DUSP8: variants seen among roughly 807,000 people sequenced by gnomAD.
The protein encoded by DUSP8 is dual specificity protein phosphatase 8.
DUSP8 carries 15 observed loss-of-function variants against 38.7 expected under a neutral mutation model. The ratio of observed to expected loss-of-function variants is 0.39; its 90% CI spans 0.26 to 0.60. The LOEUF (loss-of-function observed/expected upper bound fraction) is 0.60. Ranked by LOEUF, DUSP8 falls within the 20% of genes least tolerant of loss-of-function variation. The pLI is 0.56. For synonymous variants in DUSP8, 458 were observed against 433.9 expected (o/e 1.06, Z -0.69); for missense variants, 768 against 915.0 (o/e 0.84, Z 2.07).
chr11:1,554,345 A>G lies in DUSP8; in HGVS notation c.*2173T>C, dbSNP rs1848587087. The G allele has an allele frequency of 6.6e-6, 1 of 152,194 alleles. No individual in the cohort carries two copies. The highest frequency in any genetic ancestry group is 6.5e-5 in the Admixed American group (1 of 15,298). 9.4% of individuals were successfully genotyped at this position (152,194 alleles called of 1,614,324 possible). ...AGAGGACTCAGGGCTGGGTCAGGTG[A>G]AAGCCACCAGGTGGGGCCCTGGCCC... On this transcript the variant is annotated 3_prime_UTR_variant, in exon 7 of 7. Transcript: ENST00000397374.
chr11:1,559,078 T>G (rs1311700576), intron 3 of DUSP8, 23 bp from the exon 4 acceptor site: 1 of 1,604,536 alleles, frequency 6.2e-7, no homozygotes, highest in South Asian at 1.1e-5. Context: ...GGCCGTCAAG[T>G]GGGTTGAGAG....
chr11:1,558,796 T>G lies in DUSP8; in HGVS notation c.537+93A>C. The G allele has an allele frequency of 3.4e-6, 5 of 1,449,644 alleles. No homozygotes were observed. Among genetic ancestry groups the G allele is most frequent in the Non-Finnish European group, 4.7e-6 (5 of 1,071,410 alleles). 89.8% of individuals were successfully genotyped at this position (1,449,644 alleles called of 1,614,324 possible). On this transcript the variant is annotated intron_variant, in intron 4 of 6. Coordinates refer to ENST00000397374, the MANE Select transcript of DUSP8 (RefSeq NM_004420.3). The surrounding 1 kb of genome is among the most constrained non-coding windows in gnomAD (Gnocchi z 6.3). The stretch of plus-strand genomic sequence containing the variant: ...AGCTCATCCACTGCCTTCAGCTCCT[T>G]TCCTCCCTCATCCCCCGCTCCGCTG...
chr11:1,568,195 T>G (rs1848834125), intron 1 of DUSP8, among the ~76,000 whole-genome samples: 1 of 152,134 alleles, frequency 6.6e-6, no homozygotes. Context: ...TACCCCCCAG[T>G]GCAGGGAGGA....
chr11:1,567,538 A>ACT (rs914069033), intron 1 of DUSP8, among the ~76,000 whole-genome samples: 26 of 151,856 alleles, frequency 1.7e-4, no homozygotes, highest in African/African-American at 5.3e-4. Context: ...CCTCGCACTC[A>ACT]CTCTCCTTCT....
intron 1 of DUSP8, among the ~76,000 whole-genome samples, chr11:1,570,849 G>A (rs748886761): frequency 6.6e-6 from 1 of 152,160 alleles, no homozygotes; most frequent in Non-Finnish European, 1.5e-5. Flanking sequence ...GGCTGTGCCA[G>A]AAGGGAGGCA....
rs544697735 is a variant in DUSP8, at chr11:1,558,510, C to A, written c.538-239G>T. On this transcript the variant is annotated intron_variant, in intron 4 of 6. Transcript: ENST00000397374. This position sits in a 1 kb window ranked among gnomAD's most constrained non-coding sequence, Gnocchi z 6.3. ...GGCCTCCGACTGCAGGCCCCACCCA[C>A]GGCTGGTGGTGGGCTCCTAGGAATT... 6.6e-6 allele frequency among the ~76,000 whole-genome samples: 1 copy of A among 152,124 alleles called. No individual in the cohort carries two copies. The highest frequency in any genetic ancestry group is 1.5e-5 in the Non-Finnish European group (1 of 67,994).
chr11:1,556,627 A>G lies in DUSP8; in HGVS notation c.1769T>C (p.Met590Thr). 7.0e-7 allele frequency: 1 copy of G among 1,430,488 alleles called. No homozygotes were observed. The allele number at this position is 1,430,488 out of a possible 1,614,324, so 88.6% of individuals were successfully genotyped here. A position where few individuals can be genotyped will look rare whatever the true frequency, so the allele number is the denominator to read the frequency against. ...ETQFKRRSCQ[M>T]EFEEGMVEGR... Reference sequence around the variant, plus strand: ...CTCCACCATGCCCTCCTCGAACTCCATCTGGCAGCTGCGGCGCTTGAACTG... The same window carrying G: ...CTCCACCATGCCCTCCTCGAACTCCGTCTGGCAGCTGCGGCGCTTGAACTG... Residue 590 changes from methionine (M) to threonine (T), a missense_variant, in exon 7 of 7, where the codon ATG becomes ACG. Physicochemically the swap from Met to Thr is moderately conservative, Grantham distance 81 (BLOSUM62 -1). Coordinates refer to ENST00000397374, the MANE Select transcript of DUSP8 (RefSeq NM_004420.3). This position sits in a 1 kb window ranked among gnomAD's most constrained non-coding sequence, Gnocchi z 5.2.
chr11:1,557,417 C>A lies in DUSP8; in HGVS notation c.979G>T (p.Ala327Ser), dbSNP rs761883251. The A allele has an allele frequency of 3.2e-6, 5 of 1,563,908 alleles. No individual in the cohort carries two copies. The highest frequency in any genetic ancestry group is 4.3e-6 in the Non-Finnish European group (5 of 1,167,372). The change falls in exon 7 of 7, where the codon GCC becomes TCC. Residue 327 changes from alanine (A) to serine (S), a missense_variant. This residue lies in a region of DUSP8 where 474 missense variants were observed against 430.8 expected (regional missense o/e 1.10). Coordinates refer to ENST00000397374, the MANE Select transcript of DUSP8 (RefSeq NM_004420.3). The surrounding 1 kb of genome is among the most constrained non-coding windows in gnomAD (Gnocchi z 9.9). The part of the protein sequence containing the change: ...PEPPPSPAAG[A>S]PLPRLPPPTS... ...GGTGGTGGCAGCCGTGGCAGCGGGG[C>A]CCCGGCGGCAGGACTGGGCGGAGGC...
At chr11:1,572,431 G>GA (rs1741827389), upstream of DUSP8, among the ~76,000 whole-genome samples, 1 of 149,438 alleles carries the variant, frequency 6.7e-6, no homozygotes, top group Non-Finnish European at 1.5e-5. The surrounding 1 kb of genome is among the most constrained non-coding windows in gnomAD (Gnocchi z 4.7). Flanking sequence ...GGCTGCCGCG[G>GA]GGGGGGGGCG....
Position 1,556,934 on chromosome 11 carries a change from G to T in DUSP8, c.1462C>A (p.Leu488Ile). 1 of 1,078,038 alleles carries T rather than the reference G, an allele frequency of 9.3e-7. No homozygotes were observed. The highest frequency in any genetic ancestry group is 1.1e-6 in the Non-Finnish European group (1 of 891,080). The allele number at this position is 1,078,038 out of a possible 1,614,324, so 66.8% of individuals were successfully genotyped here. The change falls in exon 7 of 7, where the codon CTC becomes ATC. Residue 488 changes from leucine to isoleucine, a missense_variant. By Grantham distance (5) the Leu-to-Ile change is conservative. Coordinates refer to ENST00000397374, the MANE Select transcript of DUSP8 (RefSeq NM_004420.3). This position sits in a 1 kb window ranked among gnomAD's most constrained non-coding sequence, Gnocchi z 5.2. ...AGCCCGGGCGCCGACAGGGCCGAGA[G>T]GCCGTGCCGCGGAGTCTGCCGGGCC... ...DAARQTPRHGLSALSAPGLPG... is the reference protein window; with the variant it reads ...DAARQTPRHGISALSAPGLPG...
chr11:1,571,774 C>T (rs963707876), intron 1 of DUSP8, 127 bp downstream of exon 1: 1 of 150,544 alleles, frequency 6.6e-6, no homozygotes, highest in Non-Finnish European at 1.5e-5. Context: ...GGGCCGCCTC[C>T]TCCTCCCGGG....
Position 1,554,842 on chromosome 11 carries a change from T to C in DUSP8, c.*1676A>G, listed in dbSNP as rs1848597463. The C allele has an allele frequency of 2.8e-6, 2 of 702,788 alleles. No homozygotes were observed. The highest frequency in any genetic ancestry group is 1.3e-4 in the South Asian group (2 of 15,630). The allele number at this position is 702,788 out of a possible 1,614,324, so 43.5% of individuals were successfully genotyped here. ...AATAAATACTTAAACCTCTAATCCATAGATTGCAAATACAACGATAGCTTA... is the reference window on the plus strand; with the variant it reads ...AATAAATACTTAAACCTCTAATCCACAGATTGCAAATACAACGATAGCTTA... On this transcript the variant is annotated 3_prime_UTR_variant, in exon 7 of 7. Coordinates refer to ENST00000397374, the MANE Select transcript of DUSP8 (RefSeq NM_004420.3).
chr11:1,554,356 G>A lies in DUSP8; in HGVS notation c.*2162C>T, dbSNP rs1471783228. 6.6e-6 allele frequency: 1 copy of A among 152,278 alleles called. No individual in the cohort carries two copies. Among genetic ancestry groups the A allele is most frequent in the Non-Finnish European group, 1.5e-5 (1 of 68,258 alleles). The allele number at this position is 152,278 out of a possible 1,614,324, so 9.4% of individuals were successfully genotyped here. On this transcript the variant is annotated 3_prime_UTR_variant, in exon 7 of 7. Transcript: ENST00000397374. ...GGCTGGGTCAGGTGAAAGCCACCAG[G>A]TGGGGCCCTGGCCCGCCTCCCGCAG...
chr11:1,569,712 T>C (rs982901598), intron 1 of DUSP8, among the ~76,000 whole-genome samples: 2 of 152,120 alleles, frequency 1.3e-5, no homozygotes, highest in South Asian at 4.1e-4. Context: ...ATCCTTACCA[T>C]GTTACCTTCT....
At position 1,557,361 on chromosome 11, in the gene DUSP8, C is replaced by A; in HGVS notation, c.1035G>T (p.Ala345=). The change falls in exon 7 of 7, where the codon GCG becomes GCT. Residue 345 remains alanine, a synonymous_variant. Coordinates refer to ENST00000397374, the MANE Select transcript of DUSP8 (RefSeq NM_004420.3). This position sits in a 1 kb window ranked among gnomAD's most constrained non-coding sequence, Gnocchi z 9.9. ...CGCTCAGGCCGCCCTCCCTGGCAGC[C>A]GCATTCCCTGTGGCAGCGCTCTCTG... ...PTSESAATGN[A]AAREGGLSAG... is the part of the protein sequence containing the mutation. 1.3e-6 allele frequency: 2 copies of A among 1,560,998 alleles called. No homozygotes were observed. Among genetic ancestry groups the A allele is most frequent in the Non-Finnish European group, 1.7e-6 (2 of 1,165,704 alleles).
At position 1,555,077 on chromosome 11, in the gene DUSP8, G is replaced by C; in HGVS notation, c.*1441C>G. 3.0e-6 allele frequency: 3 copies of C among 986,710 alleles called. No individual in the cohort carries two copies. The highest frequency in any genetic ancestry group is 3.6e-6 in the Non-Finnish European group (3 of 830,126). 61.1% of individuals were successfully genotyped at this position (986,710 alleles called of 1,614,324 possible). ...GGGTCCTGCCCTGGGCTGCCTCTCC[G>C]GCCAAGCCCCTGGCCTCTTCCCACA... On this transcript the variant is annotated 3_prime_UTR_variant, in exon 7 of 7. Transcript: ENST00000397374.
Position 1,560,753 on chromosome 11 carries a change from C to T in DUSP8, c.371-1698G>A, listed in dbSNP as rs114965088. On this transcript the variant is annotated intron_variant, in intron 3 of 6. Coordinates refer to ENST00000397374, the MANE Select transcript of DUSP8 (RefSeq NM_004420.3). ...CCGCTGCAGGACAGCCCCGGGGAGGCGGAAGGGCTGCACCACTTCTCTGCA... is the reference window on the plus strand; with the variant it reads ...CCGCTGCAGGACAGCCCCGGGGAGGTGGAAGGGCTGCACCACTTCTCTGCA... Among the ~76,000 whole-genome samples, 965 of 152,298 alleles carry T rather than the reference C, an allele frequency of 6.3e-3. 10 individuals are homozygous for T. The highest frequency in any genetic ancestry group is 0.022 in the African/African-American group (925 of 41,556).
intron 1 of DUSP8, among the ~76,000 whole-genome samples, chr11:1,568,654 A>G (rs1042089600): frequency 6.6e-6 from 1 of 152,098 alleles, no homozygotes; most frequent in Non-Finnish European, 1.5e-5. Flanking sequence ...GGTGCCCGGC[A>G]GTGCAGAGCC....
At position 1,557,842 on chromosome 11, in the gene DUSP8, A is replaced by G; in HGVS notation, c.773T>C (p.Ile258Thr). ...GCCCATGGTCTTCATGATGTAGGCG[A>G]TGGCGATGGTGGCAGAGCGGGAGAT... ...AGISRSATIA[I>T]AYIMKTMGMS... is the part of the protein sequence containing the mutation. The change falls in exon 6 of 7, where the codon ATC (isoleucine) becomes ACC (threonine). Residue 258 changes from isoleucine (I) to threonine (T), a missense_variant. This residue lies in a region of DUSP8 where 252 missense variants were observed against 410.4 expected (regional missense o/e 0.61). Coordinates refer to ENST00000397374, the MANE Select transcript of DUSP8 (RefSeq NM_004420.3). This position sits in a 1 kb window ranked among gnomAD's most constrained non-coding sequence, Gnocchi z 9.9. 1 of 1,613,890 alleles carries G rather than the reference A, an allele frequency of 6.2e-7. No individual in the cohort carries two copies. The highest frequency in any genetic ancestry group is 8.5e-7 in the Non-Finnish European group (1 of 1,180,004).
Sources: allele counts gnomAD v4.1 joint callset (sites outside exome capture counted in the v4.1 genomes callset), GRCh38; gene constraint gnomAD v4.1.1; regional missense constraint gnomAD v4.1.1; non-coding constraint Gnocchi (gnomAD v3.1); transcripts MANE v1.5; gene names NCBI Gene and HGNC (gene_info 2026-07-23, HGNC 2026-07-21).